AAK1: variants seen among roughly 807,000 people sequenced by gnomAD.
AAK1 encodes AP2-associated protein kinase 1.
In AAK1, 37 loss-of-function variants were observed where a neutral mutation model predicts 116.0. The observed-to-expected ratio is 0.32, with a 90% CI of 0.25 to 0.42. The LOEUF is 0.42. Among genes scored for constraint, AAK1 ranks in the 10% least tolerant of loss-of-function variants. The pLI is 1.00. For synonymous variants in AAK1, 458 were observed against 439.9 expected (o/e 1.04, Z -0.51); for missense variants, 919 against 1,170.6 (o/e 0.79, Z 3.14).
chr2:69,582,374 C>A (rs760063641), intron 2 of AAK1, among the ~76,000 whole-genome samples: 4 of 145,878 alleles, frequency 2.7e-5, no homozygotes, highest in African/African-American at 1.1e-4. Context: ...TCCGTGTGTG[C>A]GTGTGTGTGC....
Position 69,629,582 on chromosome 2 carries a change from G to A in AAK1, c.163+13296C>T, listed in dbSNP as rs777952702. 1.5e-4 allele frequency among the ~76,000 whole-genome samples: 23 copies of A among 152,296 alleles called. No homozygotes were observed. In the South Asian group the frequency reaches 2.9e-3, roughly 19 times the overall value. On this transcript the variant is annotated intron_variant, in intron 2 of 21. Transcript: ENST00000409085. ...TTCAATAGTTCTTATTGTAATAAGC[G>A]AGGTGAAGTCCTCAAACACAGATCT...
intron 2 of AAK1, among the ~76,000 whole-genome samples, chr2:69,583,286 T>G (rs999729676): frequency 6.6e-6 from 1 of 152,234 alleles, no homozygotes; most frequent in African/African-American, 2.4e-5. Context: ...AATTACTAAT[T>G]CTTTAAAAGA....
At chr2:69,486,255 C>T (rs1160454121) in intron 17 of AAK1, among the ~76,000 whole-genome samples, 1 of 152,086 alleles carries the variant, frequency 6.6e-6, no homozygotes, top group Non-Finnish European at 1.5e-5. Flanking sequence ...AGCCACTGAA[C>T]CTGGCTCAAG....
chr2:69,562,746 C>T (rs1671696773), intron 2 of AAK1, among the ~76,000 whole-genome samples: 2 of 152,122 alleles, frequency 1.3e-5, no homozygotes, highest in South Asian at 4.1e-4. Flanking sequence ...AAAAATTAGC[C>T]AGGCGTGGTG....
chr2:69,489,012 C>CTTT (rs199920200), intron 17 of AAK1, among the ~76,000 whole-genome samples: 1 of 145,026 alleles, frequency 6.9e-6, no homozygotes, highest in Admixed American at 6.8e-5. Context: ...TAACTTAAAA[C>CTTT]TTTTTTTTTT....
At chr2:69,477,849 G>C (rs1468179265) in intron 20 of AAK1, among the ~76,000 whole-genome samples, 2 of 152,174 alleles carry the variant, frequency 1.3e-5, no homozygotes, top group African/African-American at 4.8e-5. Context: ...CTTCCTTCTT[G>C]AATTTTCTCC....
chr2:69,500,688 T>TATATATATATAC (rs1407722477), intron 16 of AAK1, among the ~76,000 whole-genome samples: 1 of 112,182 alleles, frequency 8.9e-6, no homozygotes, highest in African/African-American at 3.9e-5. Flanking sequence ...TATATATATA[T>TATATATATATAC]ATATATATAT....
chr2:69,587,267 G>GTC (rs1372641352), intron 2 of AAK1, among the ~76,000 whole-genome samples: 1 of 147,124 alleles, frequency 6.8e-6, no homozygotes, highest in Non-Finnish European at 1.5e-5. Context: ...ATATACACAT[G>GTC]TGTATATATA....
rs1005271076 is a variant in AAK1, at chr2:69,464,150, C to G, written c.*11719G>C. On this transcript the variant is annotated 3_prime_UTR_variant, in exon 22 of 22. Transcript: ENST00000409085. ...TTCCATTCTCCCAAACACTTATTTC[C>G]ATGTCTCAGATTTACATTTCCTCAA... 3 of 152,300 alleles carry G rather than the reference C, an allele frequency of 2.0e-5. No homozygotes were observed. Among genetic ancestry groups the G allele is most frequent in the Non-Finnish European group, 4.4e-5 (3 of 68,024 alleles). The allele number at this position is 152,300 out of a possible 1,614,324, so 9.4% of individuals were successfully genotyped here.
At chr2:69,485,120 T>A (rs1331218188) in intron 17 of AAK1, among the ~76,000 whole-genome samples, 1 of 152,166 alleles carries the variant, frequency 6.6e-6, no homozygotes, top group East Asian at 1.9e-4. Flanking sequence ...AAACACTAGT[T>A]TTTGCTTCAT....
chr2:69,558,762 T>G (rs1671502289), intron 2 of AAK1, among the ~76,000 whole-genome samples: 1 of 152,320 alleles, frequency 6.6e-6, no homozygotes, highest in East Asian at 1.9e-4. Flanking sequence ...ACATGCAAAA[T>G]TGATACAGAT....
chr2:69,505,432 T>C (rs1232890484), intron 16 of AAK1, 137 bp downstream of exon 16: 2 of 435,366 alleles, frequency 4.6e-6, no homozygotes, highest in South Asian at 6.8e-5. Context: ...AAATAGACCA[T>C]GAAAAACATA....
At chr2:69,479,899 G>A (rs1675015903) in intron 19 of AAK1, among the ~76,000 whole-genome samples, 1 of 152,076 alleles carries the variant, frequency 6.6e-6, no homozygotes, top group African/African-American at 2.4e-5. Context: ...GGGATTACAG[G>A]CATGCGCTAC....
At chr2:69,638,811 T>A (rs1197799118) in intron 2 of AAK1, among the ~76,000 whole-genome samples, 1 of 152,164 alleles carries the variant, frequency 6.6e-6, no homozygotes, top group Admixed American at 6.5e-5. Flanking sequence ...TATCATAACA[T>A]CTTTTACCAT....
At chr2:69,576,403 G>A (rs111637628) in intron 2 of AAK1, among the ~76,000 whole-genome samples, 23 of 151,716 alleles carry the variant, frequency 1.5e-4, no homozygotes, top group East Asian at 9.7e-4. Context: ...AGGTAAACTC[G>A]TGTCACGGGG....
chr2:69,601,591 C>A (rs188178503), intron 2 of AAK1, among the ~76,000 whole-genome samples: 1 of 152,194 alleles, frequency 6.6e-6, no homozygotes, highest in Admixed American at 6.5e-5. Flanking sequence ...CAAGCTACAG[C>A]CAATCACTAT....
At chr2:69,507,661 A>C in intron 14 of AAK1, 83 bp from the exon 15 acceptor site, 1 of 1,293,110 alleles carries the variant, frequency 7.7e-7, no homozygotes, top group Non-Finnish European at 1.0e-6. Flanking sequence ...TCTCTGTTTC[A>C]GAATCAAATT....
intron 2 of AAK1, among the ~76,000 whole-genome samples, chr2:69,602,842 A>T (rs892033013): frequency 1.3e-5 from 2 of 152,274 alleles, no homozygotes; most frequent in Non-Finnish European, 1.5e-5. Context: ...AAAAAGCAAC[A>T]GAAAAATATG....
intron 13 of AAK1, among the ~76,000 whole-genome samples, chr2:69,511,101 T>C (rs953248848): frequency 5.9e-5 from 9 of 152,188 alleles, no homozygotes; most frequent in African/African-American, 1.9e-4. Flanking sequence ...TAACTTTGGA[T>C]ATAAAATGCC....
Sources: allele counts gnomAD v4.1 joint callset (sites outside exome capture counted in the v4.1 genomes callset), GRCh38; gene constraint gnomAD v4.1.1; transcripts MANE v1.5; gene names NCBI Gene and HGNC (gene_info 2026-07-23, HGNC 2026-07-21).